The following TMEM132D variants were observed in gnomAD, a reference collection of about 807,000 sequenced individuals.
TMEM132D encodes the protein transmembrane protein 132D.
TMEM132D carries 21 observed loss-of-function variants against 62.3 expected under a neutral mutation model. That is an observed-to-expected ratio of 0.34 (90% confidence interval 0.24 to 0.49). TMEM132D has a LOEUF of 0.49. Ranked by LOEUF, TMEM132D falls within the 20% of genes least tolerant of loss-of-function variation. The pLI, the probability that TMEM132D is intolerant of heterozygous loss-of-function variation, is 0.99. For missense variants in TMEM132D, 1,346 were observed against 1,402.8 expected, an observed-to-expected ratio of 0.96 and a Z score of 0.65; for synonymous variants, 621 against 575.6, an observed-to-expected ratio of 1.08 and a Z score of -1.13.
At chr12:129,383,059 A>G (rs1162436496) in intron 3 of TMEM132D, among the ~76,000 whole-genome samples, 1 of 152,172 alleles carries the variant, frequency 6.6e-6, no homozygotes, top group African/African-American at 2.4e-5. Context: ...CACACTGAGG[A>G]GTTTGCTACT....
rs78309486 is a variant in TMEM132D at position 129,353,811 on chromosome 12, G to A, written c.1116-15994C>T. ...TATGGAGGGCAATGAAAAAGGAAGC[G>A]GAGTAGTGAGCCCAGCCTCTACATA... On this transcript the variant is annotated intron_variant, in intron 3 of 8. Transcript: ENST00000422113. 9.5e-3 allele frequency among the ~76,000 whole-genome samples: 1,446 copies of A among 152,022 alleles called. 21 individuals are homozygous for A. Among genetic ancestry groups the A allele is most frequent in the African/African-American group, 0.033 (1,382 of 41,464 alleles).
intron 5 of TMEM132D, among the ~76,000 whole-genome samples, chr12:129,107,371 A>G (rs1479264342): frequency 2.6e-5 from 4 of 152,242 alleles, no homozygotes; most frequent in African/African-American, 9.6e-5. Flanking sequence ...CTAACTGGAT[A>G]TCAAATCAAG....
intron 4 of TMEM132D, among the ~76,000 whole-genome samples, chr12:129,274,510 C>T (rs924002066): frequency 4.6e-5 from 7 of 152,202 alleles, no homozygotes; most frequent in Admixed American, 1.3e-4. Context: ...AATCCTACTT[C>T]CTCATCTTTT....
rs1242051666 is a variant in TMEM132D at position 129,088,570 on chromosome 12, C to T, written c.1444-3868G>A. Among the ~76,000 whole-genome samples, 10 of 28,008 alleles carry T rather than the reference C, an allele frequency of 3.6e-4. 4 individuals carry two copies. 18.4% of individuals were successfully genotyped at this position (28,008 alleles called of 152,430 possible). ...TCCCTGACCGGGTGTCCTCCCTGACCGGGTGTCCTCCATGACCGGGGTGTC... is the reference window on the plus strand; with the variant it reads ...TCCCTGACCGGGTGTCCTCCCTGACTGGGTGTCCTCCATGACCGGGGTGTC... On this transcript the variant is annotated intron_variant, in intron 5 of 8. Transcript: ENST00000422113.
At chr12:129,259,841 A>G (rs1207431918) in intron 4 of TMEM132D, among the ~76,000 whole-genome samples, 1 of 152,204 alleles carries the variant, frequency 6.6e-6, no homozygotes, top group Non-Finnish European at 1.5e-5. Context: ...GAAGAGTTCA[A>G]GTTGACTTCT....
chr12:129,335,386 C>T (rs966757001), intron 4 of TMEM132D, among the ~76,000 whole-genome samples: 1 of 151,402 alleles, frequency 6.6e-6, no homozygotes, highest in Non-Finnish European at 1.5e-5. Context: ...GATCTGCCCA[C>T]CTCGGCCTCC....
chr12:129,663,466 T>C (rs1405837653), intron 2 of TMEM132D, among the ~76,000 whole-genome samples: 1 of 152,176 alleles, frequency 6.6e-6, no homozygotes, highest in African/African-American at 2.4e-5. Flanking sequence ...CCTGGTAACA[T>C]TGGGGTCCAC....
intron 1 of TMEM132D, among the ~76,000 whole-genome samples, chr12:129,808,487 G>A (rs760858706): frequency 4.6e-5 from 7 of 152,228 alleles, no homozygotes; most frequent in Non-Finnish European, 5.9e-5. Context: ...CAAAATAAAC[G>A]AAGACCAAGG....
chr12:129,509,018 G>C (rs953700593), intron 3 of TMEM132D, among the ~76,000 whole-genome samples: 1 of 152,144 alleles, frequency 6.6e-6, no homozygotes, highest in Non-Finnish European at 1.5e-5. Flanking sequence ...GATCTGGCCT[G>C]CAGTTCACCA....
intron 5 of TMEM132D, among the ~76,000 whole-genome samples, chr12:129,120,335 T>C (rs1233608790): frequency 6.6e-6 from 1 of 152,172 alleles, no homozygotes; most frequent in Non-Finnish European, 1.5e-5. Flanking sequence ...GTCAGATTAA[T>C]ACCATCATCA....
intron 3 of TMEM132D, among the ~76,000 whole-genome samples, chr12:129,486,238 A>T (rs566318585): frequency 6.6e-6 from 1 of 152,136 alleles, no homozygotes; most frequent in African/African-American, 2.4e-5. Context: ...TACATCACAC[A>T]CCTTTTATCA....
intron 2 of TMEM132D, among the ~76,000 whole-genome samples, chr12:129,532,001 A>C (rs1876239887): frequency 6.6e-6 from 1 of 152,166 alleles, no homozygotes; most frequent in Non-Finnish European, 1.5e-5. Flanking sequence ...GGCTGCAGTG[A>C]GCTGAGATCG....
intron 3 of TMEM132D, among the ~76,000 whole-genome samples, chr12:129,347,067 C>T (rs1299981092): frequency 6.6e-6 from 1 of 152,114 alleles, no homozygotes; most frequent in Non-Finnish European, 1.5e-5. Context: ...AGGACACAAA[C>T]AAATGGAAAA....
intron 2 of TMEM132D, among the ~76,000 whole-genome samples, chr12:129,603,634 A>T (rs1024254268): frequency 6.6e-6 from 1 of 152,232 alleles, no homozygotes; most frequent in Non-Finnish European, 1.5e-5. Context: ...ATCTCACACC[A>T]GTTAGAATGG....
chr12:129,141,808 T>G (rs1036164971), intron 5 of TMEM132D, among the ~76,000 whole-genome samples: 1 of 152,044 alleles, frequency 6.6e-6, no homozygotes, highest in Non-Finnish European at 1.5e-5. Flanking sequence ...AAAACTAACT[T>G]TGGGGTACTA....
intron 3 of TMEM132D, among the ~76,000 whole-genome samples, chr12:129,432,266 G>T (rs1164359820): frequency 7.4e-6 from 1 of 134,666 alleles, no homozygotes; most frequent in Non-Finnish European, 1.6e-5. Context: ...TGGATGGAAG[G>T]ATGGATGGAT....
At chr12:129,267,172 T>TTTTTTC (rs1036822680) in intron 4 of TMEM132D, among the ~76,000 whole-genome samples, 2 of 152,184 alleles carry the variant, frequency 1.3e-5, no homozygotes, top group Non-Finnish European at 2.9e-5. Flanking sequence ...GTTGAGGGTT[T>TTTTTTC]TTTTTCTTTT....
In TMEM132D at chr12:129,467,328, A is replaced by G. The variant is rs1157062410; in HGVS notation, c.1115+63731T>C. Among the ~76,000 whole-genome samples the G allele has an allele frequency of 4.6e-5, 7 of 152,144 alleles. No individual in the cohort carries two copies. The East Asian group carries it at 1.4e-3, about 29-fold the overall frequency. On this transcript the variant is annotated intron_variant, in intron 3 of 8. Coordinates refer to ENST00000422113, the MANE Select transcript of TMEM132D (RefSeq NM_133448.3). ...CTTTTCTCTATCTCAATTTCCAAGCAGACTCTCAAAGATGGTGAAAGGAAG... is the reference window on the plus strand; with the variant it reads ...CTTTTCTCTATCTCAATTTCCAAGCGGACTCTCAAAGATGGTGAAAGGAAG...
chr12:129,716,795 T>TA (rs1358039520), intron 1 of TMEM132D, among the ~76,000 whole-genome samples: 4 of 152,046 alleles, frequency 2.6e-5, no homozygotes, highest in African/African-American at 7.2e-5. Context: ...AGCTATGAGA[T>TA]AAAAAATGTG....
Sources: allele counts gnomAD v4.1 joint callset (sites outside exome capture counted in the v4.1 genomes callset), GRCh38; gene constraint gnomAD v4.1.1; transcripts MANE v1.5; gene names NCBI Gene and HGNC (gene_info 2026-07-23, HGNC 2026-07-21).